ITPRIP: variants seen among roughly 807,000 people sequenced by gnomAD.
ITPRIP encodes the protein inositol 1,4,5-trisphosphate receptor interacting protein, also known as inositol 1,4,5-trisphosphate receptor-interacting protein.
Under a neutral mutation model 35.8 loss-of-function variants are expected in ITPRIP, and 32 were observed. The ratio of observed to expected loss-of-function variants is 0.89; its 90% CI spans 0.68 to 1.20. The LOEUF (loss-of-function observed/expected upper bound fraction) is 1.20, where lower values mean the gene tolerates loss of function less well. ITPRIP is among the 50% of genes most tolerant of loss of function. ITPRIP has a pLI of 0.00. For missense variants in ITPRIP, 653 were observed against 735.6 expected (o/e 0.89, Z 1.30); for synonymous variants, 358 against 324.0 (o/e 1.11, Z -1.13).
rs1453594500 is a variant in ITPRIP, at chr10:104,331,553, T to C, written c.-14+6693A>G. ...ATGACCTAGAAGGGAGAGAAAGCAG[T>C]AGCAGCCCAGGGTTGCTTCCAAGCT... On this transcript the variant is annotated intron_variant, in intron 1 of 1. Transcript: ENST00000337478. 2.0e-5 allele frequency among the ~76,000 whole-genome samples: 3 copies of C among 152,128 alleles called. No homozygotes were observed. The East Asian group carries it at 5.8e-4, about 29-fold the overall frequency.
chr10:104,317,484 T>C (rs2135183707), intron 1 of ITPRIP, among the ~76,000 whole-genome samples: 1 of 152,310 alleles, frequency 6.6e-6, no homozygotes, highest in Admixed American at 6.5e-5. Context: ...AGGCACTGTC[T>C]TACGCTGCAA....
intron 1 of ITPRIP, among the ~76,000 whole-genome samples, chr10:104,337,206 CT>C (rs1159913249): frequency 6.6e-6 from 1 of 152,196 alleles, no homozygotes; most frequent in African/African-American, 2.4e-5. Context: ...CACAGATGAA[CT>C]TTAGCTGGCA....
intron 1 of ITPRIP, among the ~76,000 whole-genome samples, chr10:104,329,870 C>G (rs1309375390): frequency 6.6e-6 from 1 of 152,206 alleles, no homozygotes; most frequent in East Asian, 1.9e-4. Flanking sequence ...GCGGTCATGT[C>G]TCCTTTTTGA....
In ITPRIP at chr10:104,313,042, T is replaced by C; in HGVS notation, c.*1366A>G. On this transcript the variant is annotated 3_prime_UTR_variant, in exon 2 of 2. Transcript: ENST00000337478. ...AACCACAGAGCTTCTGCCAGGCTCTTTGGGTCTGGGTCATCTGTGTGGTCA... is the reference window on the plus strand; with the variant it reads ...AACCACAGAGCTTCTGCCAGGCTCTCTGGGTCTGGGTCATCTGTGTGGTCA... 1 of 985,390 alleles carries C rather than the reference T, an allele frequency of 1.0e-6. No individual in the cohort carries two copies. Among genetic ancestry groups the C allele is most frequent in the East Asian group, 1.1e-4 (1 of 8,796 alleles). The allele number at this position is 985,390 out of a possible 1,614,324, so 61.0% of individuals were successfully genotyped here.
Position 104,314,921 on chromosome 10 carries a change from G to A in ITPRIP, c.1131C>T (p.Ser377=), listed in dbSNP as rs769602095. The A allele has an allele frequency of 1.9e-6, 3 of 1,613,786 alleles. No individual in the cohort carries two copies. Among genetic ancestry groups the A allele is most frequent in the East Asian group, 2.2e-5 (1 of 44,872 alleles). Residue 377 remains serine, a synonymous_variant, in exon 2 of 2, where the codon AGC becomes AGT. Transcript: ENST00000337478. ...CAGCAAAGGACAGGAGCCAGTCTGT[G>A]CTGGAGGCTGGGGTGCCCTCAGAGG... ...REPSEGTPAS[S]TDWLLSFAVY...
chr10:104,325,217 C>A (rs531624783), intron 1 of ITPRIP, among the ~76,000 whole-genome samples: 1 of 152,264 alleles, frequency 6.6e-6, no homozygotes, highest in South Asian at 2.1e-4. Flanking sequence ...GAGACCTCGT[C>A]TTGAAAAGAA....
At position 104,338,225 on chromosome 10, in the gene ITPRIP, CTAGGCTGCCCTGGGACT is replaced by C. The variant is rs966833349; in HGVS notation, c.-14+4_-14+20del. On this transcript the variant is annotated splice_donor_5th_base_variant and intron_variant, in intron 1 of 1. Coordinates refer to ENST00000337478, the MANE Select transcript of ITPRIP (RefSeq NM_001272013.2). ...ATCGCGCCCTTCTTCCTTCAGCACA[CTAGGCTGCCCTGGGACT>C]TACGATTGGCTTGGGTCCCCGGTCC... 2 of 153,270 alleles carry C rather than the reference CTAGGCTGCCCTGGGACT, an allele frequency of 1.3e-5. No individual in the cohort carries two copies. The highest frequency in any genetic ancestry group is 2.4e-5 in the African/African-American group (1 of 41,482). 9.5% of individuals were successfully genotyped at this position (153,270 alleles called of 1,614,324 possible).
In ITPRIP at chr10:104,311,324, A is replaced by G. The variant is rs1265488120; in HGVS notation, c.*3084T>C. 6.6e-6 allele frequency: 1 copy of G among 151,804 alleles called. No homozygotes were observed. Among genetic ancestry groups the G allele is most frequent in the Non-Finnish European group, 1.5e-5 (1 of 67,948 alleles). 9.4% of individuals were successfully genotyped at this position (151,804 alleles called of 1,614,324 possible). ...AAGTAGTCCACTTGGGTTTTCTTTAACTTTCCATTAAGAAAGAAAGTGAGA... is the reference window on the plus strand; with the variant it reads ...AAGTAGTCCACTTGGGTTTTCTTTAGCTTTCCATTAAGAAAGAAAGTGAGA... On this transcript the variant is annotated 3_prime_UTR_variant, in exon 2 of 2. Transcript: ENST00000337478.
chr10:104,321,707 T>C (rs1257670440), intron 1 of ITPRIP, among the ~76,000 whole-genome samples: 5 of 147,936 alleles, frequency 3.4e-5, no homozygotes, highest in South Asian at 2.1e-4. Context: ...TCTTTTCTTT[T>C]TTTTTTTTTT....
intron 1 of ITPRIP, among the ~76,000 whole-genome samples, chr10:104,319,986 A>G (rs2013802972): frequency 6.6e-6 from 1 of 152,132 alleles, no homozygotes; most frequent in South Asian, 2.1e-4. Flanking sequence ...CCAATATAGC[A>G]TCATATGAGA....
At chr10:104,334,476 C>T (rs940115330) in intron 1 of ITPRIP, among the ~76,000 whole-genome samples, 1 of 152,196 alleles carries the variant, frequency 6.6e-6, no homozygotes, top group Non-Finnish European at 1.5e-5. Context: ...TGAGATTGTA[C>T]AGTAGTTATC....
At position 104,319,465 on chromosome 10, in the gene ITPRIP, C is replaced by A. The variant is rs180702840; in HGVS notation, c.-13-3401G>T. Among the ~76,000 whole-genome samples, 204 of 152,318 alleles carry A rather than the reference C, an allele frequency of 1.3e-3. 1 individual carries two copies. Among genetic ancestry groups the A allele is most frequent in the Non-Finnish European group, 2.2e-3 (151 of 68,014 alleles). ...GGCACACCCCTGAGTCCACCCTGGCCCCCAGCAAAGGGGAGAAGGCTTCAG... is the reference window on the plus strand; with the variant it reads ...GGCACACCCCTGAGTCCACCCTGGCACCCAGCAAAGGGGAGAAGGCTTCAG... On this transcript the variant is annotated intron_variant, in intron 1 of 1. Transcript: ENST00000337478.
rs1358528705 is a variant in ITPRIP, at chr10:104,309,911, A to G, written c.*4497T>C. 1 of 152,180 alleles carries G rather than the reference A, an allele frequency of 6.6e-6. No individual in the cohort carries two copies. Among genetic ancestry groups the G allele is most frequent in the Non-Finnish European group, 1.5e-5 (1 of 68,038 alleles). The allele number at this position is 152,180 out of a possible 1,614,324, so 9.4% of individuals were successfully genotyped here. A position where few individuals can be genotyped will look rare whatever the true frequency, so the allele number is the denominator to read the frequency against. On this transcript the variant is annotated 3_prime_UTR_variant, in exon 2 of 2. Coordinates refer to ENST00000337478, the MANE Select transcript of ITPRIP (RefSeq NM_001272013.2). Reference sequence around the variant, plus strand: ...TGAATTTTAAAATTATGACTGTATTATTGCTTTTATGTTTATTTTTTAAAC... The same window carrying G: ...TGAATTTTAAAATTATGACTGTATTGTTGCTTTTATGTTTATTTTTTAAAC...
intron 1 of ITPRIP, among the ~76,000 whole-genome samples, chr10:104,317,819 C>A (rs562931662): frequency 6.6e-6 from 1 of 152,196 alleles, no homozygotes; most frequent in East Asian, 1.9e-4. Flanking sequence ...GGTAAAGATA[C>A]CTCTGCAGGT....
At position 104,311,463 on chromosome 10, in the gene ITPRIP, C is replaced by G. The variant is rs551876110; in HGVS notation, c.*2945G>C. The G allele has an allele frequency of 9.8e-5, 15 of 152,326 alleles. No homozygotes were observed. The East Asian group carries it at 2.9e-3, about 29-fold the overall frequency. 9.4% of individuals were successfully genotyped at this position (152,326 alleles called of 1,614,324 possible). ...GCACCATGTAGGTTCAAGGCGGGGT[C>G]GGGGCAATGGACCAGGTTGTCTGGG... On this transcript the variant is annotated 3_prime_UTR_variant, in exon 2 of 2. Transcript: ENST00000337478.
Position 104,311,070 on chromosome 10 carries a change from T to G in ITPRIP, c.*3338A>C, listed in dbSNP as rs2135169356. 6.6e-6 allele frequency: 1 copy of G among 152,388 alleles called. No individual in the cohort carries two copies. The highest frequency in any genetic ancestry group is 1.5e-5 in the Non-Finnish European group (1 of 68,090). 9.4% of individuals were successfully genotyped at this position (152,388 alleles called of 1,614,324 possible). On this transcript the variant is annotated 3_prime_UTR_variant, in exon 2 of 2. Transcript: ENST00000337478. ...TTTTCCCATCTTCCACAATGTCTCA[T>G]GCACGTTAGGCTCCTGACAAATGCT...
intron 1 of ITPRIP, among the ~76,000 whole-genome samples, chr10:104,321,859 T>C (rs1173746526): frequency 6.6e-6 from 1 of 152,192 alleles, no homozygotes; most frequent in Non-Finnish European, 1.5e-5. Flanking sequence ...TCATTCTGTC[T>C]GTCTTTGCCA....
rs1032938340 is a variant in ITPRIP at position 104,314,700 on chromosome 10, G to A, written c.1352C>T (p.Ala451Val). 5.6e-6 allele frequency: 9 copies of A among 1,613,632 alleles called. No homozygotes were observed. Among genetic ancestry groups the A allele is most frequent in the African/African-American group, 5.3e-5 (4 of 74,946 alleles). The stretch of plus-strand genomic sequence containing the variant: ...GTGCAGACGAGCGTCCAGCTGCCCC[G>A]CCTTCCAGTCGGCGGCCTGCCGGAG... ...LLLRQAADWK[A>V]GQLDARLHEL... is the part of the protein sequence containing the mutation. Residue 451 changes from alanine to valine, a missense_variant, in exon 2 of 2, where the codon GCG (alanine) becomes GTG (valine). Transcript: ENST00000337478.
chr10:104,311,119 G>A lies in ITPRIP; in HGVS notation c.*3289C>T, dbSNP rs1288466344. On this transcript the variant is annotated 3_prime_UTR_variant, in exon 2 of 2. Transcript: ENST00000337478. ...CTTGTGGACTATTCATGACCTGCTT[G>A]GGAGAAGGGCTCACCATCTTATGCC... 1 of 152,020 alleles carries A rather than the reference G, an allele frequency of 6.6e-6. No individual in the cohort carries two copies. The highest frequency in any genetic ancestry group is 2.4e-5 in the African/African-American group (1 of 41,368). The allele number at this position is 152,020 out of a possible 1,614,324, so 9.4% of individuals were successfully genotyped here. A position where few individuals can be genotyped will look rare whatever the true frequency, so the allele number is the denominator to read the frequency against.
Sources: allele counts gnomAD v4.1 joint callset (sites outside exome capture counted in the v4.1 genomes callset), GRCh38; gene constraint gnomAD v4.1.1; transcripts MANE v1.5; gene names NCBI Gene and HGNC (gene_info 2026-07-23, HGNC 2026-07-21).